Variants in ELF1 observed in about 807,000 individuals in gnomAD.
ELF1 encodes the protein E74 like ETS transcription factor 1.
In ELF1, 24 loss-of-function variants were observed where a neutral mutation model predicts 59.9. The ratio of observed to expected loss-of-function variants is 0.40; its 90% CI spans 0.29 to 0.56. The LOEUF is 0.56. ELF1 is among the 20% of genes least tolerant of loss of function. The probability of loss-of-function intolerance (pLI) is 0.44; values close to 1 mark genes in which losing one functional copy is unlikely to be tolerated. For synonymous variants in ELF1, 248 were observed against 266.2 expected (o/e 0.93, Z 0.67); for missense variants, 627 against 742.2 (o/e 0.84, Z 1.80).
At chr13:41,041,212 G>A (rs1380378653) in intron 1 of ELF1, among the ~76,000 whole-genome samples, 2 of 143,890 alleles carry the variant, frequency 1.4e-5, no homozygotes, top group Non-Finnish European at 1.5e-5. Context: ...CCTATACAGA[G>A]CATGAAGCAC....
intron 1 of ELF1, among the ~76,000 whole-genome samples, chr13:41,032,869 AC>A (rs1432491082): frequency 1.3e-5 from 2 of 150,378 alleles, no homozygotes; most frequent in African/African-American, 2.4e-5. Context: ...AAAAAAACAA[AC>A]CAAAGAAAAA....
At position 40,934,921 on chromosome 13, in the gene ELF1, T is replaced by G. The variant is rs115614716; in HGVS notation, c.1257-893A>C. 9.9e-3 allele frequency among the ~76,000 whole-genome samples: 1,506 copies of G among 152,326 alleles called. 28 individuals carry two copies. Among genetic ancestry groups the G allele is most frequent in the African/African-American group, 0.035 (1,437 of 41,558 alleles). On this transcript the variant is annotated intron_variant, in intron 8 of 8. Transcript: ENST00000239882. ...GCTCACATTTCATGTCATATTTAGA[T>G]GAAACAAGCCATGATTATAATTAAC...
At chr13:41,042,847 T>A (rs893375501) in intron 1 of ELF1, among the ~76,000 whole-genome samples, 6 of 152,222 alleles carry the variant, frequency 3.9e-5, no homozygotes, top group Non-Finnish European at 8.8e-5. Context: ...CTGGGTCAAA[T>A]GGCATTTCTA....
At chr13:40,977,893 C>T (rs569002823) in intron 2 of ELF1, among the ~76,000 whole-genome samples, 1 of 152,232 alleles carries the variant, frequency 6.6e-6, no homozygotes, top group East Asian at 1.9e-4. Context: ...AAACTGAAGC[C>T]TGTACACATG....
chr13:40,934,630 G>A (rs1869644312), intron 8 of ELF1, among the ~76,000 whole-genome samples: 1 of 151,992 alleles, frequency 6.6e-6, no homozygotes, highest in African/African-American at 2.4e-5. Flanking sequence ...ATGTTGGTCA[G>A]GCTGGTCTCA....
chr13:40,958,107 A>G (rs1326886703), intron 3 of ELF1, among the ~76,000 whole-genome samples: 1 of 152,252 alleles, frequency 6.6e-6, no homozygotes, highest in Non-Finnish European at 1.5e-5. Flanking sequence ...ATCCCTGGCC[A>G]AGATATATGA....
intron 1 of ELF1, among the ~76,000 whole-genome samples, chr13:41,012,286 C>T (rs946484374): frequency 5.7e-5 from 8 of 139,734 alleles, no homozygotes; most frequent in African/African-American, 2.2e-4. Flanking sequence ...CCACTCCAGC[C>T]TGAGCGACAG....
intron 1 of ELF1, among the ~76,000 whole-genome samples, chr13:41,058,850 G>T (rs547289793): frequency 6.6e-6 from 1 of 152,346 alleles, no homozygotes; most frequent in South Asian, 2.1e-4. Context: ...GCGGGTGTCT[G>T]TAGTCCCAGC....
chr13:40,995,927 C>T (rs951301246), intron 1 of ELF1, among the ~76,000 whole-genome samples: 1 of 152,070 alleles, frequency 6.6e-6, no homozygotes, highest in Non-Finnish European at 1.5e-5. Flanking sequence ...AATGAAAAGA[C>T]AAACCACAGA....
At chr13:41,023,590 A>G (rs1168247070), upstream of ELF1, among the ~76,000 whole-genome samples, 1 of 152,236 alleles carries the variant, frequency 6.6e-6, no homozygotes. Flanking sequence ...TAGAATTTCT[A>G]CATGTGAGCT....
chr13:40,943,255 C>A lies in ELF1; in HGVS notation c.614-111G>T, dbSNP rs146405229. ...CATTTATATTTATACAAAAATATTA[C>A]ATAATTCAGTTAGTATTGGTGACAT... On this transcript the variant is annotated intron_variant, in intron 6 of 8. Transcript: ENST00000239882. The A allele has an allele frequency of 3.8e-5, 36 of 949,006 alleles. No homozygotes were observed. In the Admixed American group the frequency reaches 1.1e-3, roughly 30 times the overall value. 58.8% of individuals were successfully genotyped at this position (949,006 alleles called of 1,614,324 possible).
chr13:40,993,918 T>C (rs1874005802), intron 1 of ELF1, among the ~76,000 whole-genome samples: 1 of 151,778 alleles, frequency 6.6e-6, no homozygotes, highest in Non-Finnish European at 1.5e-5. Flanking sequence ...TTGTATAGGA[T>C]GTCTCAATCA....
intron 1 of ELF1, among the ~76,000 whole-genome samples, chr13:41,046,822 A>G (rs530191441): frequency 5.9e-5 from 9 of 152,170 alleles, no homozygotes; most frequent in Non-Finnish European, 1.2e-4. Flanking sequence ...CCAAATTTGA[A>G]TGTTGGCCTG....
intron 1 of ELF1, among the ~76,000 whole-genome samples, chr13:41,033,173 A>G (rs935602152): frequency 6.6e-6 from 1 of 152,232 alleles, no homozygotes; most frequent in Non-Finnish European, 1.5e-5. Context: ...AACCAACATT[A>G]GCAACTAGCT....
At chr13:41,016,970 ATATATATATATG>A (rs1368245307) in intron 1 of ELF1, among the ~76,000 whole-genome samples, 1 of 126,684 alleles carries the variant, frequency 7.9e-6, no homozygotes, top group Non-Finnish European at 1.6e-5. Flanking sequence ...ATATATATAT[ATATATATATATG>A]AGCTAAAACT....
chr13:41,016,950 ATATATATATATATATAT>A (rs1875434504), intron 1 of ELF1, among the ~76,000 whole-genome samples: 1 of 58,376 alleles, frequency 1.7e-5, no homozygotes. Flanking sequence ...AAAAAAAAAT[ATATATATATATATATAT>A]ATATATATAT....
At chr13:40,955,743 CCGGCCAGCCGCCCCG>C (rs2138183304) in intron 3 of ELF1, among the ~76,000 whole-genome samples, 1 of 132,756 alleles carries the variant, frequency 7.5e-6, no homozygotes, top group African/African-American at 2.8e-5. Flanking sequence ...AGCCCCCCGC[CCGGCCAGCCGCCCCG>C]TCCGGGAGGG....
chr13:40,999,930 T>C (rs559978027), intron 1 of ELF1, among the ~76,000 whole-genome samples: 1 of 152,334 alleles, frequency 6.6e-6, no homozygotes, highest in African/African-American at 2.4e-5. Context: ...ATCCTTCTTA[T>C]TATTCAACTG....
chr13:41,036,682 T>C (rs1159032297), intron 1 of ELF1, among the ~76,000 whole-genome samples: 2 of 152,284 alleles, frequency 1.3e-5, no homozygotes, highest in Admixed American at 6.5e-5. Flanking sequence ...CTATTCACGA[T>C]AGCAAAGACT....
Sources: gnomAD v4.1 joint callset for allele counts (sites outside exome capture counted in the v4.1 genomes callset) on GRCh38, gnomAD v4.1.1 for gene constraint, MANE v1.5 for transcripts, NCBI Gene and HGNC (gene_info 2026-07-23, HGNC 2026-07-21) for gene names.